Variants in SYN3 observed in about 807,000 individuals in gnomAD.
SYN3 encodes synapsin-3.
SYN3 carries 35 observed loss-of-function variants against 65.8 expected under a neutral mutation model. The observed-to-expected ratio is 0.53, with a 90% CI of 0.41 to 0.70. The LOEUF is 0.70. SYN3 is among the 30% of genes least tolerant of loss of function. The probability of loss-of-function intolerance (pLI) is 0.00; values close to 1 mark genes in which losing one functional copy is unlikely to be tolerated. For missense variants in SYN3, 680 were observed against 749.0 expected, an observed-to-expected ratio of 0.91 and a Z score of 1.08; for synonymous variants, 270 against 292.9, an observed-to-expected ratio of 0.92 and a Z score of 0.80.
chr22:32,587,870 G>A (rs2059072321), intron 7 of SYN3, among the ~76,000 whole-genome samples: 1 of 152,122 alleles, frequency 6.6e-6, no homozygotes, highest in Non-Finnish European at 1.5e-5. Flanking sequence ...AACAAACCCT[G>A]TACCTGCATG....
At chr22:32,817,931 C>T (rs142592084) in intron 6 of SYN3, among the ~76,000 whole-genome samples, 74 of 152,308 alleles carry the variant, frequency 4.9e-4, no homozygotes, top group African/African-American at 1.8e-3. Flanking sequence ...ACTTCTCTTA[C>T]ATCACCGTCC....
chr22:32,901,744 C>T (rs147522658), intron 4 of SYN3, among the ~76,000 whole-genome samples: 14 of 152,342 alleles, frequency 9.2e-5, no homozygotes, highest in African/African-American at 3.1e-4. Context: ...CTAACTTGCC[C>T]GAGGGCACAC....
At chr22:32,530,294 G>A (rs2018222006) in intron 10 of SYN3, 1 of 152,236 alleles carries the variant, frequency 6.6e-6, no homozygotes, top group African/African-American at 2.4e-5. Context: ...TCTATTCTAA[G>A]CATTGGGTGT....
chr22:32,761,375 G>C (rs375341454), intron 6 of SYN3, among the ~76,000 whole-genome samples: 3 of 152,206 alleles, frequency 2.0e-5, no homozygotes, highest in African/African-American at 7.2e-5. Flanking sequence ...AGCCATGCGC[G>C]TGAGTCACGA....
At chr22:32,685,316 T>C (rs1214390892) in intron 6 of SYN3, among the ~76,000 whole-genome samples, 2 of 152,066 alleles carry the variant, frequency 1.3e-5, no homozygotes, top group Non-Finnish European at 2.9e-5. Context: ...ATTAGCAAGA[T>C]GAATGATGAA....
chr22:32,901,062 T>G (rs1217061615), intron 4 of SYN3, among the ~76,000 whole-genome samples: 1 of 152,214 alleles, frequency 6.6e-6, no homozygotes, highest in African/African-American at 2.4e-5. Flanking sequence ...TTATGCAATT[T>G]GCAGTCTTTA....
intron 6 of SYN3, among the ~76,000 whole-genome samples, chr22:32,786,391 T>C (rs1420646446): frequency 6.6e-6 from 1 of 151,962 alleles, no homozygotes; most frequent in Non-Finnish European, 1.5e-5. Flanking sequence ...ATTCTTTTTT[T>C]TTTTTTGAGA....
At chr22:32,893,216 GC>G (rs941994425) in intron 4 of SYN3, among the ~76,000 whole-genome samples, 1 of 152,076 alleles carries the variant, frequency 6.6e-6, no homozygotes, top group Non-Finnish European at 1.5e-5. Flanking sequence ...TGTTTGCTCT[GC>G]CCCCCTCCCA....
intron 6 of SYN3, among the ~76,000 whole-genome samples, chr22:32,604,321 C>T (rs1466674474): frequency 1.3e-5 from 2 of 152,194 alleles, no homozygotes; most frequent in African/African-American, 4.8e-5. Flanking sequence ...ATCCAGCTCT[C>T]CCCCATGTCT....
At chr22:32,907,514 G>T (rs898778366) in intron 4 of SYN3, among the ~76,000 whole-genome samples, 1 of 152,316 alleles carries the variant, frequency 6.6e-6, no homozygotes, top group South Asian at 2.1e-4. Flanking sequence ...TCTAAGCTCT[G>T]GCCAGGCTGG....
At chr22:32,867,483 T>A (rs1238887407) in intron 5 of SYN3, among the ~76,000 whole-genome samples, 1 of 152,148 alleles carries the variant, frequency 6.6e-6, no homozygotes, top group African/African-American at 2.4e-5. Flanking sequence ...AGACAGATAA[T>A]GCACAAATGA....
chr22:32,611,372 C>T (rs1437049668), intron 6 of SYN3, among the ~76,000 whole-genome samples: 2 of 147,310 alleles, frequency 1.4e-5, no homozygotes, highest in East Asian at 4.0e-4. Flanking sequence ...CGGCTCACTG[C>T]AACCTCTGCC....
At chr22:32,591,002 T>G (rs76885058) in intron 7 of SYN3, among the ~76,000 whole-genome samples, 5,306 of 152,326 alleles carry the variant, frequency 0.035, 291 homozygotes, top group African/African-American at 0.12. Flanking sequence ...CCCACTTGTT[T>G]CAGGCACTGA....
intron 6 of SYN3, among the ~76,000 whole-genome samples, chr22:32,692,420 G>A (rs796440912): frequency 1.3e-5 from 2 of 152,162 alleles, no homozygotes; most frequent in Non-Finnish European, 2.9e-5. Context: ...ACCCAGAAAT[G>A]ACCTTTGCTT....
At chr22:32,952,371 C>A (rs2051317851) in intron 3 of SYN3, among the ~76,000 whole-genome samples, 1 of 151,638 alleles carries the variant, frequency 6.6e-6, no homozygotes. Flanking sequence ...AATACAAAAA[C>A]ACAGAAAAAA....
At chr22:32,908,554 C>G (rs1361970609) in intron 4 of SYN3, among the ~76,000 whole-genome samples, 1 of 152,154 alleles carries the variant, frequency 6.6e-6, no homozygotes, top group East Asian at 1.9e-4. Flanking sequence ...ACATCTGACC[C>G]AAGGCCATAC....
chr22:33,024,183 T>G (rs1348916460), intron 1 of SYN3, among the ~76,000 whole-genome samples: 1 of 152,222 alleles, frequency 6.6e-6, no homozygotes, highest in Non-Finnish European at 1.5e-5. Flanking sequence ...ATGGCTTTCC[T>G]GACCACCCAC....
intron 6 of SYN3, among the ~76,000 whole-genome samples, chr22:32,647,716 C>T (rs768520630): frequency 1.3e-5 from 2 of 152,128 alleles, no homozygotes; most frequent in African/African-American, 2.4e-5. Context: ...TCAAGCAATT[C>T]TTCTGCCTCA....
intron 4 of SYN3, among the ~76,000 whole-genome samples, chr22:32,884,314 C>G (rs1439079310): frequency 1.3e-5 from 2 of 152,214 alleles, no homozygotes; most frequent in Non-Finnish European, 2.9e-5. Context: ...ATGTTTAGAG[C>G]ACAGACTTTG....
Sources: allele counts gnomAD v4.1 joint callset (sites outside exome capture counted in the v4.1 genomes callset), GRCh38; gene constraint gnomAD v4.1.1; transcripts MANE v1.5; gene names NCBI Gene and HGNC (gene_info 2026-07-23, HGNC 2026-07-21).